The following SLC60A2 variants were observed in gnomAD, a reference collection of about 807,000 sequenced individuals.
The protein encoded by SLC60A2 is major facilitator superfamily domain containing 4B.
the SLC60A2 span, chr6:111,262,568 C>A: frequency 9.7e-6 from 7 of 720,538 alleles, no homozygotes; most frequent in Non-Finnish European, 1.7e-5. Flanking sequence ...AGTTGAGTTT[C>A]CCTGGTACCT....
At chr6:111,269,938 A>AC in the SLC60A2 span, 1 of 152,202 alleles carries the variant, frequency 6.6e-6, no homozygotes. Flanking sequence ...GTAACACAGT[A>AC]CCACACATTG....
the SLC60A2 span, chr6:111,266,655 G>T: frequency 6.2e-7 from 1 of 1,614,026 alleles, no homozygotes; most frequent in Non-Finnish European, 8.5e-7. Flanking sequence ...TGCTTCCCTG[G>T]GAGAAATGGC....
At chr6:111,265,904 G>C in the SLC60A2 span, 33 of 1,611,216 alleles carry the variant, frequency 2.0e-5, no homozygotes, top group East Asian at 6.7e-5. Flanking sequence ...TGGCTATTTG[G>C]GGGGACAAAG....
the SLC60A2 span, chr6:111,267,280 A>G: frequency 6.6e-6 from 4 of 609,756 alleles, no homozygotes; most frequent in Admixed American, 3.2e-5. Flanking sequence ...TGTAATTCCC[A>G]GAGTCTTCCA....
the SLC60A2 span, chr6:111,265,912 AAGG>A: frequency 3.1e-6 from 5 of 1,613,460 alleles, no homozygotes; most frequent in Non-Finnish European, 4.2e-6. Context: ...TGGGGGGACA[AAGG>A]AGCCCCACAT....
the SLC60A2 span, chr6:111,262,110 TAA>T: frequency 1.8e-6 from 1 of 542,142 alleles, no homozygotes; most frequent in Non-Finnish European, 3.0e-6. Flanking sequence ...TAGTCAAAAC[TAA>T]AAAAACAGTA....
the SLC60A2 span, chr6:111,268,608 T>C: frequency 6.6e-6 from 1 of 152,338 alleles, no homozygotes; most frequent in East Asian, 1.9e-4. Context: ...GGGCTGTAGA[T>C]GGGGTCTTTC....
At chr6:111,272,563 G>A in the SLC60A2 span, among the ~76,000 whole-genome samples, 11 of 145,638 alleles carry the variant, frequency 7.6e-5, no homozygotes, top group Non-Finnish European at 1.0e-4. Context: ...CCAGGCTGCA[G>A]TGTAATGGCA....
At chr6:111,268,146 A>G in the SLC60A2 span, 2 of 152,264 alleles carry the variant, frequency 1.3e-5, no homozygotes, top group Non-Finnish European at 2.9e-5. Context: ...TCAAATGAGA[A>G]GTGAAACCAA....
chr6:111,273,336 G>A, the SLC60A2 span, among the ~76,000 whole-genome samples: 1 of 151,886 alleles, frequency 6.6e-6, no homozygotes, highest in Non-Finnish European at 1.5e-5. Flanking sequence ...GTAGAGATGG[G>A]GTCTCACTGT....
chr6:111,266,078 T>C, the SLC60A2 span: 3 of 1,614,198 alleles, frequency 1.9e-6, no homozygotes, highest in Non-Finnish European at 2.5e-6. Flanking sequence ...ACTCAGAAGC[T>C]CTGTTTGGAG....
chr6:111,265,301 C>G, the SLC60A2 span: 1 of 984,098 alleles, frequency 1.0e-6, no homozygotes, highest in Non-Finnish European at 1.2e-6. Context: ...TGTGCTGCTT[C>G]TTGCCTTTCT....
chr6:111,279,739 G>T, the SLC60A2 span, among the ~76,000 whole-genome samples: 1 of 152,140 alleles, frequency 6.6e-6, no homozygotes, highest in Non-Finnish European at 1.5e-5. Context: ...GGGCTTAACA[G>T]AGTAGGAATG....
the SLC60A2 span, chr6:111,259,618 A>C: frequency 6.8e-7 from 1 of 1,465,434 alleles, no homozygotes; most frequent in Non-Finnish European, 9.2e-7. Flanking sequence ...GCCCCGGCGG[A>C]GAATGAGCCG....
the SLC60A2 span, among the ~76,000 whole-genome samples, chr6:111,273,790 A>G: frequency 6.6e-6 from 1 of 152,112 alleles, no homozygotes; most frequent in African/African-American, 2.4e-5. Context: ...CAGTGGCACA[A>G]TTACGGCTCA....
At chr6:111,259,415 C>T in the SLC60A2 span, 5 of 399,238 alleles carry the variant, frequency 1.3e-5, no homozygotes, top group African/African-American at 1.0e-4. Flanking sequence ...CCGGGCGGTC[C>T]GCTGGGAGGT....
chr6:111,260,779 T>C, the SLC60A2 span, among the ~76,000 whole-genome samples: 16 of 152,226 alleles, frequency 1.1e-4, no homozygotes, highest in Non-Finnish European at 1.5e-5. Flanking sequence ...TTCAGACTTT[T>C]GGTGAGTCGT....
At chr6:111,275,599 A>G in the SLC60A2 span, among the ~76,000 whole-genome samples, 1 of 151,918 alleles carries the variant, frequency 6.6e-6, no homozygotes, top group Non-Finnish European at 1.5e-5. Context: ...TAGTAAAAAC[A>G]GGGTTTCACA....
the SLC60A2 span, chr6:111,262,344 G>C: frequency 3.7e-6 from 6 of 1,614,164 alleles, no homozygotes; most frequent in South Asian, 6.6e-5. Flanking sequence ...TTTCATTTTT[G>C]TGGGTCGTGC....
Sources: gnomAD v4.1 joint callset for allele counts (sites outside exome capture counted in the v4.1 genomes callset) on GRCh38, gnomAD v4.1.1 for gene constraint, MANE v1.5 for transcripts, NCBI Gene and HGNC (gene_info 2026-07-23, HGNC 2026-07-21) for gene names.